Variants in FLVCR2 observed in about 807,000 individuals in gnomAD.
FLVCR2 encodes the protein FLVCR choline and putative heme transporter 2.
A neutral mutation model predicts 48.9 loss-of-function variants in FLVCR2; 38 were observed. The observed-to-expected ratio is 0.78, with a 90% CI of 0.60 to 1.02. FLVCR2 has a LOEUF of 1.02. FLVCR2 is among the 50% of genes least tolerant of loss of function. The pLI is 0.00. For synonymous variants in FLVCR2, 255 were observed against 257.0 expected (o/e 0.99, Z 0.07); for missense variants, 664 against 663.3 (o/e 1.00, Z -0.01).
intron 1 of FLVCR2, among the ~76,000 whole-genome samples, chr14:75,587,092 A>G (rs1888770343): frequency 1.3e-5 from 2 of 152,140 alleles, no homozygotes; most frequent in South Asian, 4.1e-4. Flanking sequence ...AATACCCACT[A>G]TTATGCAAGG....
At chr14:75,595,235 A>T (rs1888989489) in intron 1 of FLVCR2, among the ~76,000 whole-genome samples, 1 of 152,180 alleles carries the variant, frequency 6.6e-6, no homozygotes, top group African/African-American at 2.4e-5. Flanking sequence ...TTGGAAACTC[A>T]TGTATATTTT....
intron 1 of FLVCR2, among the ~76,000 whole-genome samples, chr14:75,619,075 T>G (rs1327914701): frequency 6.6e-6 from 1 of 151,890 alleles, no homozygotes; most frequent in Non-Finnish European, 1.5e-5. Context: ...AATACAAAAA[T>G]TAGCCAGGCA....
chr14:75,632,674 T>G (rs1367653597), intron 3 of FLVCR2: 6 of 702,336 alleles, frequency 8.5e-6, no homozygotes, highest in Non-Finnish European at 1.6e-5. Flanking sequence ...TGTCCTGACT[T>G]ACACCCTTCC....
chr14:75,609,897 G>T (rs77266378), intron 1 of FLVCR2, among the ~76,000 whole-genome samples: 1 of 149,302 alleles, frequency 6.7e-6, no homozygotes, highest in African/African-American at 2.5e-5. Context: ...CTTTGAGTTG[G>T]GGGGGATAGA....
At chr14:75,580,807 A>T (rs1888579224) in intron 1 of FLVCR2, among the ~76,000 whole-genome samples, 1 of 152,152 alleles carries the variant, frequency 6.6e-6, no homozygotes, top group African/African-American at 2.4e-5. Context: ...GGTGGAATGA[A>T]ATCAGTTAAG....
chr14:75,599,501 A>G (rs532263084), intron 1 of FLVCR2, among the ~76,000 whole-genome samples: 2 of 152,360 alleles, frequency 1.3e-5, no homozygotes, highest in South Asian at 4.1e-4. Flanking sequence ...ACGGATTGGA[A>G]GACTTCATGT....
At chr14:75,630,019 G>T in intron 3 of FLVCR2, among the ~76,000 whole-genome samples, 1 of 152,180 alleles carries the variant, frequency 6.6e-6, no homozygotes, top group South Asian at 2.1e-4. Flanking sequence ...CTTTGCCGAG[G>T]TCAAGCTGGC....
intron 1 of FLVCR2, among the ~76,000 whole-genome samples, chr14:75,612,380 G>C (rs1889481979): frequency 6.6e-6 from 1 of 152,140 alleles, no homozygotes; most frequent in Non-Finnish European, 1.5e-5. Flanking sequence ...TGACGGGGGC[G>C]GGAGCTTGAA....
chr14:75,594,272 C>T (rs1888962978), intron 1 of FLVCR2, among the ~76,000 whole-genome samples: 1 of 152,200 alleles, frequency 6.6e-6, no homozygotes, highest in Non-Finnish European at 1.5e-5. Context: ...AAGCTTTAGG[C>T]TCTTCTTAAA....
intron 5 of FLVCR2, among the ~76,000 whole-genome samples, chr14:75,635,990 C>G (rs1053484558): frequency 6.6e-6 from 1 of 152,208 alleles, no homozygotes; most frequent in Admixed American, 6.5e-5. Flanking sequence ...AGCCTGGGTG[C>G]CTCCATTCAG....
intron 9 of FLVCR2, among the ~76,000 whole-genome samples, chr14:75,644,534 T>TAAC (rs1223877305): frequency 6.6e-6 from 1 of 152,222 alleles, no homozygotes; most frequent in African/African-American, 2.4e-5. Context: ...TGAGTAGGAA[T>TAAC]AACAGCCTTA....
At chr14:75,586,408 T>C (rs892536882) in intron 1 of FLVCR2, among the ~76,000 whole-genome samples, 2 of 152,220 alleles carry the variant, frequency 1.3e-5, no homozygotes. Context: ...TTTTCACTTT[T>C]GTGGATCTTC....
At chr14:75,607,945 C>A (rs1253920251) in intron 1 of FLVCR2, among the ~76,000 whole-genome samples, 1 of 152,092 alleles carries the variant, frequency 6.6e-6, no homozygotes, top group East Asian at 1.9e-4. Flanking sequence ...TGTGGTGGCA[C>A]ATGCCTGTAG....
chr14:75,605,714 C>T (rs1314648739), intron 1 of FLVCR2: 11 of 1,227,652 alleles, frequency 9.0e-6, no homozygotes, highest in East Asian at 2.5e-5. Context: ...CTTTGGCTCC[C>T]CTCCGATTGC....
chr14:75,599,342 T>A (rs200132862), intron 1 of FLVCR2, among the ~76,000 whole-genome samples: 1 of 146,306 alleles, frequency 6.8e-6, no homozygotes, highest in African/African-American at 2.5e-5. Flanking sequence ...CCCCAAAAAA[T>A]TAAGAAACAA....
chr14:75,609,706 C>G (rs1305868526), intron 1 of FLVCR2, among the ~76,000 whole-genome samples: 1 of 152,146 alleles, frequency 6.6e-6, no homozygotes. Context: ...CTGAAAAAAT[C>G]AGAATAGGAG....
At chr14:75,632,593 T>C in intron 3 of FLVCR2, 1 of 702,098 alleles carries the variant, frequency 1.4e-6, no homozygotes, top group Non-Finnish European at 2.6e-6. Context: ...CGGAAGGCTA[T>C]ATGAACTGGG....
intron 3 of FLVCR2, chr14:75,632,937 G>A (rs1316200606): frequency 8.5e-6 from 6 of 702,216 alleles, no homozygotes; most frequent in Admixed American, 6.0e-5. Context: ...AGGCCAGGAG[G>A]CCTTTTCTCC....
intron 1 of FLVCR2, among the ~76,000 whole-genome samples, chr14:75,602,465 C>A (rs374002703): frequency 6.6e-6 from 1 of 152,284 alleles, no homozygotes; most frequent in Admixed American, 6.5e-5. Context: ...GGAGGGCTAC[C>A]TATGTCACCT....
Sources: gnomAD v4.1 joint callset for allele counts (sites outside exome capture counted in the v4.1 genomes callset) on GRCh38, gnomAD v4.1.1 for gene constraint, MANE v1.5 for transcripts, NCBI Gene and HGNC (gene_info 2026-07-23, HGNC 2026-07-21) for gene names.